The following OTOGL variants were observed in gnomAD, a reference collection of about 807,000 sequenced individuals.
OTOGL encodes otogelin like.
Under a neutral mutation model 318.5 loss-of-function variants are expected in OTOGL, and 285 were observed. The observed-to-expected ratio is 0.89, with a 90% CI of 0.81 to 0.99. The LOEUF (loss-of-function observed/expected upper bound fraction) is 0.99, where lower values mean the gene tolerates loss of function less well. OTOGL is among the 50% of genes least tolerant of loss of function. OTOGL has a pLI of 0.00. For missense variants in OTOGL, 2,899 were observed against 2,845.6 expected (o/e 1.02, Z -0.43); for synonymous variants, 987 against 936.5 (o/e 1.05, Z -0.99).
chr12:80,198,795 A>G (rs1449808863), intron 1 of OTOGL, among the ~76,000 whole-genome samples: 3 of 152,142 alleles, frequency 2.0e-5, no homozygotes, highest in Non-Finnish European at 4.4e-5. Flanking sequence ...ATTAACTAGC[A>G]AATTCTATTA....
chr12:80,323,665 G>A, intron 34 of OTOGL, 58 bp from the exon 35 acceptor site: 1 of 1,292,158 alleles, frequency 7.7e-7, no homozygotes, highest in Non-Finnish European at 1.1e-6. Context: ...AAAGGGAATT[G>A]TTAGTTTTCA....
At position 80,232,892 on chromosome 12, in the gene OTOGL, T is replaced by A; in HGVS notation, c.612T>A (p.Ser204Arg). 6.3e-7 allele frequency: 1 copy of A among 1,594,752 alleles called. No individual in the cohort carries two copies. The highest frequency in any genetic ancestry group is 8.5e-7 in the Non-Finnish European group (1 of 1,175,838). The change falls in exon 9 of 59, where the codon AGT becomes AGA. Residue 204 changes from serine to arginine, a missense_variant and splice_region_variant. Physicochemically the swap from Ser to Arg is moderately radical, Grantham distance 110. Transcript: ENST00000547103. ...GATAGCTTTTGTTCTGTTTTTCAAG[T>A]TTAACATTGCCTCAGACAATTGGAC... Reference protein sequence around the residue: ...YGHEIKKNGISLTLPQTIGQI... With the variant: ...YGHEIKKNGIRLTLPQTIGQI...
At chr12:80,264,600 A>G (rs1373190865) in intron 19 of OTOGL, among the ~76,000 whole-genome samples, 1 of 152,178 alleles carries the variant, frequency 6.6e-6, no homozygotes, top group African/African-American at 2.4e-5. Context: ...ACAATTGTGT[A>G]TTACACAGGG....
intron 27 of OTOGL, among the ~76,000 whole-genome samples, 151 bp downstream of exon 27, chr12:80,297,112 C>T (rs528310179): frequency 6.6e-6 from 1 of 152,160 alleles, no homozygotes; most frequent in African/African-American, 2.4e-5. Flanking sequence ...GTACATTGTG[C>T]TTGACTTCTC....
chr12:80,352,463 T>A (rs1889613232), intron 45 of OTOGL, 27 bp downstream of exon 45: 1 of 1,498,706 alleles, frequency 6.7e-7, no homozygotes, highest in Non-Finnish European at 8.9e-7. Flanking sequence ...TGAATATTTT[T>A]CCATCATAAA....
At chr12:80,342,526 C>T (rs1888847974) in intron 44 of OTOGL, among the ~76,000 whole-genome samples, 1 of 152,170 alleles carries the variant, frequency 6.6e-6, no homozygotes, top group Non-Finnish European at 1.5e-5. Context: ...TTCTTAGGCA[C>T]ATACTTGTAA....
intron 1 of OTOGL, among the ~76,000 whole-genome samples, chr12:80,144,196 T>A (rs921530972): frequency 2.0e-5 from 3 of 152,130 alleles, no homozygotes; most frequent in Non-Finnish European, 4.4e-5. Flanking sequence ...CCCAATGCTA[T>A]CCCTTCCCAC....
At position 80,225,599 on chromosome 12, in the gene OTOGL, C is replaced by T. The variant is rs534002397; in HGVS notation, c.489+3354C>T. 1.8e-3 allele frequency among the ~76,000 whole-genome samples: 275 copies of T among 152,112 alleles called. 1 individual carries two copies. The highest frequency in any genetic ancestry group is 6.4e-3 in the African/African-American group (266 of 41,544). On this transcript the variant is annotated intron_variant, in intron 7 of 58. Transcript: ENST00000547103. ...ATTGGTTAACAGCTTCACCTATTTC[C>T]TTCTCAACATTTTGCTCTGAATTTT... is the stretch of plus-strand genomic sequence containing the variant.
intron 8 of OTOGL, 148 bp from the exon 9 acceptor site, chr12:80,232,744 T>C: frequency 1.4e-6 from 1 of 702,526 alleles, no homozygotes; most frequent in Middle Eastern, 4.0e-4. Flanking sequence ...TTCCAGAGGA[T>C]GGTTGCTTTG....
chr12:80,352,146 T>G (rs555411997), intron 44 of OTOGL, 149 bp from the exon 45 acceptor site: 10 of 649,320 alleles, frequency 1.5e-5, no homozygotes, highest in Admixed American at 3.5e-5. Context: ...ATGTTTAATA[T>G]TAAGAATTTT....
intron 1 of OTOGL, among the ~76,000 whole-genome samples, chr12:80,161,953 GCTTTGC>G (rs1477587266): frequency 6.6e-6 from 1 of 152,134 alleles, no homozygotes; most frequent in Non-Finnish European, 1.5e-5. Context: ...CAAAACAAAA[GCTTTGC>G]CAATGTTTGG....
At chr12:80,307,889 C>T (rs1425739291) in intron 29 of OTOGL, among the ~76,000 whole-genome samples, 11 of 136,748 alleles carry the variant, frequency 8.0e-5, no homozygotes, top group Middle Eastern at 3.9e-3. Flanking sequence ...ACCTCCCTCC[C>T]TCCCGGACGG....
chr12:80,237,339 A>G (rs1169606403), intron 9 of OTOGL, among the ~76,000 whole-genome samples: 2 of 152,178 alleles, frequency 1.3e-5, no homozygotes, highest in African/African-American at 2.4e-5. Context: ...TGTGAGCAAT[A>G]GCAGCCATTA....
intron 9 of OTOGL, among the ~76,000 whole-genome samples, chr12:80,238,087 A>C (rs748959857): frequency 6.6e-6 from 1 of 152,318 alleles, no homozygotes; most frequent in South Asian, 2.1e-4. Flanking sequence ...GTAGAGAGAC[A>C]ACTTAAAAAC....
chr12:80,337,036 A>AT, intron 42 of OTOGL, 32 bp downstream of exon 42: 1 of 1,441,666 alleles, frequency 6.9e-7, no homozygotes, highest in Non-Finnish European at 9.5e-7. Flanking sequence ...TTTTTCTCAC[A>AT]TTAGATGAAA....
At chr12:80,307,314 G>A (rs1401388709) in intron 29 of OTOGL, among the ~76,000 whole-genome samples, 1 of 151,752 alleles carries the variant, frequency 6.6e-6, no homozygotes, top group African/African-American at 2.4e-5. Flanking sequence ...TTCTCAATGA[G>A]CTGTTGGGTA....
intron 44 of OTOGL, among the ~76,000 whole-genome samples, chr12:80,348,442 A>G (rs2167311): frequency 1 from 151,644 of 152,274 alleles, 75,512 homozygotes; most frequent in Middle Eastern, 1. Context: ...ATTGTGTGGC[A>G]TTATTCCTGA....
intron 1 of OTOGL, among the ~76,000 whole-genome samples, chr12:80,150,412 G>A (rs976468814): frequency 6.6e-6 from 1 of 152,186 alleles, no homozygotes; most frequent in Middle Eastern, 3.2e-3. Flanking sequence ...ACCTGGAAAG[G>A]AAACTCCAGA....
chr12:80,254,972 C>T, intron 15 of OTOGL, 68 bp from the exon 16 acceptor site: 1 of 1,232,926 alleles, frequency 8.1e-7, no homozygotes, highest in Non-Finnish European at 1.1e-6. Context: ...ATGGTATCAT[C>T]CTCCTCTCTC....
Sources: gnomAD v4.1 joint callset for allele counts (sites outside exome capture counted in the v4.1 genomes callset) on GRCh38, gnomAD v4.1.1 for gene constraint, MANE v1.5 for transcripts, NCBI Gene and HGNC (gene_info 2026-07-23, HGNC 2026-07-21) for gene names.